The following EVC variants were observed in gnomAD, a reference collection of about 807,000 sequenced individuals.
EVC encodes EvC ciliary complex subunit 1, also known as evC complex member EVC.
A neutral mutation model predicts 118.9 loss-of-function variants in EVC; 116 were observed. The ratio of observed to expected loss-of-function variants is 0.98; its 90% CI spans 0.84 to 1.14. The LOEUF is 1.14. Ranked by LOEUF, EVC falls within the 50% of genes most tolerant of loss-of-function variation. The probability of loss-of-function intolerance (pLI) is 0.00; values close to 1 mark genes in which losing one functional copy is unlikely to be tolerated. For missense variants in EVC, 1,401 were observed against 1,246.4 expected (o/e 1.12, Z -1.87); for synonymous variants, 619 against 534.7 (o/e 1.16, Z -2.18).
chr4:5,820,346 TAAC>T, the EVC span, among the ~76,000 whole-genome samples: 47,189 of 151,840 alleles, frequency 0.31, 11,438 homozygotes, highest in African/African-American at 0.68. Flanking sequence ...TCACTATTAC[TAAC>T]AACAGCTAAT....
chr4:5,823,716 G>A, the EVC span, among the ~76,000 whole-genome samples: 1 of 152,216 alleles, frequency 6.6e-6, no homozygotes, highest in African/African-American at 2.4e-5. Flanking sequence ...CTGCCATGCT[G>A]GAAGTAGCCT....
At position 5,799,196 on chromosome 4, in the gene EVC, T is replaced by G. The variant is rs74694537; in HGVS notation, c.2304+404T>G. Among the ~76,000 whole-genome samples, 1,078 of 152,270 alleles carry G rather than the reference T, an allele frequency of 7.1e-3. 12 individuals are homozygous for G. Among genetic ancestry groups the G allele is most frequent in the African/African-American group, 0.024 (1,008 of 41,550 alleles). On this transcript the variant is annotated intron_variant, in intron 15 of 20. Transcript: ENST00000264956. ...CCCCTGGCCGCCTCTGCTGAGACAT[T>G]AGAGCTTTCTGGAGTTCATCCTGAC... is the stretch of plus-strand genomic sequence containing the variant.
chr4:5,749,259 C>T lies in EVC; in HGVS notation c.1098+953C>T, dbSNP rs1356054133. On this transcript the variant is annotated intron_variant, in intron 8 of 20. Transcript: ENST00000264956. The surrounding 1 kb of genome is among the most constrained non-coding windows in gnomAD (Gnocchi z 4.4). The stretch of plus-strand genomic sequence containing the variant: ...GGTGCATGGGTGTCCAACCTTTTGG[C>T]TTCCCTGGGCCACATTGGAAGAAGA... 6.6e-6 allele frequency among the ~76,000 whole-genome samples: 1 copy of T among 150,562 alleles called. No individual in the cohort carries two copies. Among genetic ancestry groups the T allele is most frequent in the Non-Finnish European group, 1.5e-5 (1 of 67,898 alleles).
At chr4:5,733,571 AG>A in intron 5 of EVC, 136 bp downstream of exon 5, 1 of 837,550 alleles carries the variant, frequency 1.2e-6, no homozygotes, top group Non-Finnish European at 2.0e-6. Context: ...GGTGGGGGAA[AG>A]CGGCGCTGTC....
Position 5,798,586 on chromosome 4 carries a change from G to A in EVC, c.2098G>A (p.Glu700Lys). ...CTGCTCCCAGTCCTTTCCCTCCCAG[G>A]AGGCGCGTGTGCTGGAGGAGGCCAG... ...EHQWQLLRAL[E>K]ARVLEEASRL... The change falls in exon 15 of 21, where the codon GAG becomes AAG. Residue 700 changes from glutamate (E) to lysine (K), a missense_variant and splice_region_variant. Transcript: ENST00000264956. The surrounding 1 kb of genome is among the most constrained non-coding windows in gnomAD (Gnocchi z 4.1). 1 of 1,560,622 alleles carries A rather than the reference G, an allele frequency of 6.4e-7. No homozygotes were observed. The highest frequency in any genetic ancestry group is 8.7e-7 in the Non-Finnish European group (1 of 1,153,332).
chr4:5,817,724 A>G (rs957401707), downstream of EVC, among the ~76,000 whole-genome samples: 29 of 152,210 alleles, frequency 1.9e-4, no homozygotes, highest in African/African-American at 6.8e-4. Context: ...GAGGAGGGTT[A>G]CGCACTTACG....
At chr4:5,783,159 A>G (rs1270002402) in intron 11 of EVC, among the ~76,000 whole-genome samples, 2 of 151,886 alleles carry the variant, frequency 1.3e-5, no homozygotes, top group African/African-American at 2.4e-5. Flanking sequence ...TCATGTGTGT[A>G]TGTGTGCACT....
At position 5,752,840 on chromosome 4, in the gene EVC, C is replaced by T. The variant is rs1314116531; in HGVS notation, c.1103C>T (p.Ala368Val). ...CDSQELQALD[A>V]LERTMGRAHM... ...CCTGTGTGTTTCTTTTTGCAGGACG[C>T]CCTGGAGAGGACGATGGGGCGGGCG... The change falls in exon 9 of 21, where the codon GCC becomes GTC. Residue 368 changes from alanine to valine, a missense_variant. Transcript: ENST00000264956. 29 of 1,614,142 alleles carry T rather than the reference C, an allele frequency of 1.8e-5. No homozygotes were observed. The highest frequency in any genetic ancestry group is 2.4e-5 in the Non-Finnish European group (28 of 1,179,992).
At chr4:5,778,007 G>C (rs34099980) in intron 11 of EVC, among the ~76,000 whole-genome samples, 11,962 of 115,336 alleles carry the variant, frequency 0.1, 549 homozygotes, top group Middle Eastern at 0.2. Context: ...CCCCACAACA[G>C]TCCCCAGAGT....
At chr4:5,779,053 C>A (rs1017586253) in intron 11 of EVC, among the ~76,000 whole-genome samples, 3 of 152,222 alleles carry the variant, frequency 2.0e-5, no homozygotes, top group Admixed American at 2.0e-4. Flanking sequence ...TCAGCTTTCT[C>A]CATATGGCTA....
intron 2 of EVC, among the ~76,000 whole-genome samples, chr4:5,720,462 C>A (rs949490392): frequency 6.6e-6 from 1 of 152,118 alleles, no homozygotes; most frequent in Non-Finnish European, 1.5e-5. Context: ...GTGCTGCGTC[C>A]CCACACCCAA....
intron 1 of EVC, among the ~76,000 whole-genome samples, chr4:5,718,471 G>C (rs750921569): frequency 2.7e-4 from 41 of 152,092 alleles, no homozygotes; most frequent in Non-Finnish European, 1.3e-4. Flanking sequence ...CACTGTGTTT[G>C]GTGGTTATTT....
At chr4:5,791,153 T>C (rs535998552) in intron 12 of EVC, among the ~76,000 whole-genome samples, 1 of 152,212 alleles carries the variant, frequency 6.6e-6, no homozygotes, top group East Asian at 1.9e-4. Flanking sequence ...GATTAGTTAA[T>C]GGAATAGCAG....
chr4:5,821,765 C>T, the EVC span: 1 of 1,609,186 alleles, frequency 6.2e-7, no homozygotes, highest in South Asian at 1.1e-5. The surrounding 1 kb of genome is among the most constrained non-coding windows in gnomAD (Gnocchi z 4.4). Context: ...CACGTTCAAC[C>T]GAGGCTGGTG....
At position 5,755,833 on chromosome 4, in the gene EVC, G is replaced by C. The variant is rs146309136; in HGVS notation, c.1465-431G>C. Among the ~76,000 whole-genome samples the C allele has an allele frequency of 0.016, 2,511 of 152,286 alleles. 24 individuals are homozygous for C. The highest frequency in any genetic ancestry group is 0.061 in the Middle Eastern group (18 of 294). On this transcript the variant is annotated intron_variant, in intron 10 of 20. Transcript: ENST00000264956. The surrounding 1 kb of genome is among the most constrained non-coding windows in gnomAD (Gnocchi z 4.1). Reference sequence around the variant, plus strand: ...CTGCTCTGCTGGGGTCCTCAGGGAAGGGCCTCCACCCCGTGGTCACAGTGG... The same window carrying C: ...CTGCTCTGCTGGGGTCCTCAGGGAACGGCCTCCACCCCGTGGTCACAGTGG...
chr4:5,825,737 C>G, the EVC span: 6 of 1,490,924 alleles, frequency 4.0e-6, no homozygotes, highest in East Asian at 9.3e-5. The surrounding 1 kb of genome is among the most constrained non-coding windows in gnomAD (Gnocchi z 4.4). Context: ...CAGAGCCCTG[C>G]GGGCGAGAGA....
Position 5,797,187 on chromosome 4 carries a change from C to G in EVC, c.2052C>G (p.Ser684=). Residue 684 remains serine, a synonymous_variant, in exon 14 of 21, where the codon TCC becomes TCG. Transcript: ENST00000264956. Reference sequence around the variant, plus strand: ...AACAGCGTGCACTGGAGCAGGGGTCCTCCCAGTGCCTGGACGAGCATCAGT... The same window carrying G: ...AACAGCGTGCACTGGAGCAGGGGTCGTCCCAGTGCCTGGACGAGCATCAGT... ...LREQRALEQG[S]SQCLDEHQWQ... The G allele has an allele frequency of 6.2e-7, 1 of 1,613,050 alleles. No homozygotes were observed.
chr4:5,806,461 G>A (rs1379551010), intron 17 of EVC, among the ~76,000 whole-genome samples: 1 of 152,104 alleles, frequency 6.6e-6, no homozygotes, highest in Non-Finnish European at 1.5e-5. Flanking sequence ...TTCTGTTTCT[G>A]AGTTGTTTCA....
intron 2 of EVC, among the ~76,000 whole-genome samples, chr4:5,723,901 A>C (rs1421531289): frequency 2.6e-5 from 4 of 152,172 alleles, no homozygotes; most frequent in African/African-American, 9.7e-5. Context: ...GTTCACTGAC[A>C]AAACTCCAAG....
Sources: gnomAD v4.1 joint callset for allele counts (sites outside exome capture counted in the v4.1 genomes callset) on GRCh38, gnomAD v4.1.1 for gene constraint, Gnocchi (gnomAD v3.1) non-coding constraint, MANE v1.5 for transcripts, NCBI Gene and HGNC (gene_info 2026-07-23, HGNC 2026-07-21) for gene names.